Variants in FAM13B observed in about 807,000 individuals in gnomAD.
FAM13B encodes the protein protein FAM13B.
In FAM13B, 60 loss-of-function variants were observed where a neutral mutation model predicts 117.3. The ratio of observed to expected loss-of-function variants is 0.51; its 90% CI spans 0.42 to 0.63. The LOEUF (loss-of-function observed/expected upper bound fraction) is 0.63. Among genes scored for constraint, FAM13B ranks in the 30% least tolerant of loss-of-function variants. The pLI, the probability that FAM13B is intolerant of heterozygous loss-of-function variation, is 0.00. For synonymous variants in FAM13B, 332 were observed against 356.1 expected, an observed-to-expected ratio of 0.93 and a Z score of 0.76; for missense variants, 972 against 1,091.9, an observed-to-expected ratio of 0.89 and a Z score of 1.55.
intron 7 of FAM13B, among the ~76,000 whole-genome samples, chr5:138,002,266 C>T (rs1280037738): frequency 6.6e-6 from 1 of 152,162 alleles, no homozygotes; most frequent in Non-Finnish European, 1.5e-5. Flanking sequence ...CAGTGGCTCA[C>T]ACCTGTTATC....
In FAM13B at chr5:137,942,979, T is replaced by C; in HGVS notation, c.2484A>G (p.Ala828=). 1 of 1,613,588 alleles carries C rather than the reference T, an allele frequency of 6.2e-7. No individual in the cohort carries two copies. The highest frequency in any genetic ancestry group is 8.5e-7 in the Non-Finnish European group (1 of 1,179,840). The part of the protein sequence containing the change: ...SSELGDMLKT[A]VQVQSSLENS... The stretch of plus-strand genomic sequence containing the variant: ...TTTCTAATGAAGACTGTACCTGTAC[T>C]GCAGTTTTCAACATATCACCTAACT... The change falls in exon 22 of 24, where the codon GCA becomes GCG. Residue 828 remains alanine (A), a synonymous_variant. Coordinates refer to ENST00000689681, the MANE Select transcript of FAM13B (RefSeq NM_001385994.1).
chr5:137,938,646 A>AC lies in FAM13B; in HGVS notation c.*1578dup, dbSNP rs897503573. ...CACATTCACTACCAGGTTTTCCCTC[A>AC]CCCCCCACCCCCCAGAAAAAGGCAT... is the stretch of plus-strand genomic sequence containing the variant. On this transcript the variant is annotated 3_prime_UTR_variant, in exon 24 of 24. Coordinates refer to ENST00000689681, the MANE Select transcript of FAM13B (RefSeq NM_001385994.1). 1 of 150,996 alleles carries AC rather than the reference A, an allele frequency of 6.6e-6. No homozygotes were observed. Among genetic ancestry groups the AC allele is most frequent in the Non-Finnish European group, 1.5e-5 (1 of 67,670 alleles). The allele number at this position is 150,996 out of a possible 1,614,324, so 9.4% of individuals were successfully genotyped here.
chr5:137,963,111 T>G (rs1442364265), intron 10 of FAM13B, among the ~76,000 whole-genome samples: 2 of 152,242 alleles, frequency 1.3e-5, no homozygotes, highest in African/African-American at 4.8e-5. Context: ...GACTCTCTGA[T>G]TCTTCTTTAG....
intron 8 of FAM13B, 55 bp downstream of exon 8, chr5:137,988,219 G>A (rs1777713440): frequency 1.5e-6 from 2 of 1,291,928 alleles, no homozygotes; most frequent in Admixed American, 2.5e-5. Context: ...CATTTCTACA[G>A]CTTAGTAGTA....
At chr5:138,016,870 A>G (rs1448881684) in intron 4 of FAM13B, among the ~76,000 whole-genome samples, 1 of 152,232 alleles carries the variant, frequency 6.6e-6, no homozygotes, top group Non-Finnish European at 1.5e-5. Context: ...CACTATAAAG[A>G]GAATGGCTCT....
upstream of FAM13B, among the ~76,000 whole-genome samples, chr5:138,037,864 G>C (rs1791304514): frequency 6.6e-6 from 1 of 152,172 alleles, no homozygotes; most frequent in South Asian, 2.1e-4. Flanking sequence ...AAGTAAAATA[G>C]ATAAAACAAA....
intron 10 of FAM13B, among the ~76,000 whole-genome samples, chr5:137,967,112 G>GAA (rs879492488): frequency 7.1e-6 from 1 of 140,972 alleles, no homozygotes; most frequent in East Asian, 2.0e-4. Flanking sequence ...TTAAAAAAGG[G>GAA]AAAAAAAAAA....
At chr5:138,002,838 T>C (rs979107466) in intron 7 of FAM13B, among the ~76,000 whole-genome samples, 8 of 150,838 alleles carry the variant, frequency 5.3e-5, no homozygotes, top group African/African-American at 1.9e-4. Flanking sequence ...GCTAATTTTT[T>C]TTTTTTTTTG....
rs199509827 is a variant in FAM13B at position 138,025,311 on chromosome 5, GTA to G, written c.-202-4116_-202-4115del. 2.3e-3 allele frequency among the ~76,000 whole-genome samples: 46 copies of G among 19,602 alleles called. 3 individuals are homozygous for G. Among genetic ancestry groups the G allele is most frequent in the East Asian group, 0.014 (9 of 658 alleles). The allele number at this position is 19,602 out of a possible 152,430, so 12.9% of individuals were successfully genotyped here. A position where few individuals can be genotyped will look rare whatever the true frequency, so the allele number is the denominator to read the frequency against. On this transcript the variant is annotated intron_variant, in intron 1 of 23. Coordinates refer to ENST00000689681, the MANE Select transcript of FAM13B (RefSeq NM_001385994.1). ...GCCATATATATATATATATATATATGTATTTTTTTTTTTTTTTTTTTTGAGTT... is the reference window on the plus strand; with the variant it reads ...GCCATATATATATATATATATATATGTTTTTTTTTTTTTTTTTTTTGAGTT...
intron 10 of FAM13B, among the ~76,000 whole-genome samples, chr5:137,974,500 C>T (rs1463944447): frequency 2.1e-5 from 3 of 145,554 alleles, no homozygotes; most frequent in Non-Finnish European, 4.5e-5. Flanking sequence ...GGGAGATATA[C>T]CTAATGCTAG....
chr5:137,946,416 A>G, intron 18 of FAM13B, 105 bp from the exon 19 acceptor site: 2 of 745,914 alleles, frequency 2.7e-6, no homozygotes, highest in Non-Finnish European at 4.3e-6. Flanking sequence ...AATGTAAATA[A>G]TTAGGTAGAA....
At chr5:138,033,337 G>A (rs1790698773), upstream of FAM13B, among the ~76,000 whole-genome samples, 1 of 152,254 alleles carries the variant, frequency 6.6e-6, no homozygotes, top group South Asian at 2.1e-4. Context: ...ACTGGGGAGA[G>A]GAAAGATAAA....
At chr5:138,012,011 G>T in intron 4 of FAM13B, 66 bp from the exon 5 acceptor site, 4 of 1,150,324 alleles carry the variant, frequency 3.5e-6, no homozygotes, top group Non-Finnish European at 3.7e-6. Flanking sequence ...ATTTTGCCAG[G>T]TTCACATTAC....
intron 1 of FAM13B, among the ~76,000 whole-genome samples, chr5:138,048,228 T>C (rs538900146): frequency 2.7e-4 from 41 of 152,334 alleles, no homozygotes; most frequent in African/African-American, 8.7e-4. Context: ...GGTAATTTGT[T>C]ATAGCAATTA....
chr5:137,973,309 T>A (rs2150417231), intron 10 of FAM13B, among the ~76,000 whole-genome samples: 1 of 152,124 alleles, frequency 6.6e-6, no homozygotes, highest in African/African-American at 2.4e-5. Flanking sequence ...ATGCTGCATA[T>A]CTACAACTAT....
intron 10 of FAM13B, among the ~76,000 whole-genome samples, chr5:137,965,805 G>A (rs1460777784): frequency 6.6e-6 from 1 of 152,144 alleles, no homozygotes; most frequent in Non-Finnish European, 1.5e-5. Flanking sequence ...TCTGAAAGGA[G>A]ATAAAACAGT....
chr5:137,950,958 G>A (rs1764786563), intron 17 of FAM13B, among the ~76,000 whole-genome samples: 1 of 152,138 alleles, frequency 6.6e-6, no homozygotes, highest in African/African-American at 2.4e-5. Flanking sequence ...TGTAATCCCA[G>A]CACTGTGGGA....
chr5:138,033,182 G>A (rs750686364), upstream of FAM13B: 73 of 457,112 alleles, frequency 1.6e-4, no homozygotes, highest in Non-Finnish European at 2.0e-4. Flanking sequence ...AGCATTCCGG[G>A]CAGCGGCCCT....
intron 10 of FAM13B, among the ~76,000 whole-genome samples, chr5:137,977,586 A>G (rs1010266008): frequency 1.4e-4 from 22 of 152,194 alleles, no homozygotes; most frequent in African/African-American, 5.3e-4. Flanking sequence ...AAAATAGAAA[A>G]GAACCTACAT....
Sources: allele counts gnomAD v4.1 joint callset (sites outside exome capture counted in the v4.1 genomes callset), GRCh38; gene constraint gnomAD v4.1.1; transcripts MANE v1.5; gene names NCBI Gene and HGNC (gene_info 2026-07-23, HGNC 2026-07-21).